The following DNAH17 variants were observed in gnomAD, a reference collection of about 807,000 sequenced individuals.
DNAH17 encodes dynein axonemal heavy chain 17.
In DNAH17, 376 loss-of-function variants were observed where a neutral mutation model predicts 485.6. That is an observed-to-expected ratio of 0.77 (90% CI 0.71 to 0.84). The LOEUF (loss-of-function observed/expected upper bound fraction) is 0.84. Among genes scored for constraint, DNAH17 ranks in the 40% least tolerant of loss-of-function variants. The pLI, the probability that DNAH17 is intolerant of heterozygous loss-of-function variation, is 0.00. For missense variants in DNAH17, 6,370 were observed against 5,839.3 expected, an observed-to-expected ratio of 1.09 and a Z score of -2.96; for synonymous variants, 3,031 against 2,405.9, an observed-to-expected ratio of 1.26 and a Z score of -7.60.
chr17:78,424,130 C>T lies in DNAH17; in HGVS notation c.13165G>A (p.Gly4389Arg), dbSNP rs777069876. Residue 4389 changes from glycine (G) to arginine (R), a missense_variant, in exon 81 of 81, where the codon GGA (glycine) becomes AGA (arginine). Transcript: ENST00000389840. ...TTCAGCCGCGCTTCAGCGATGACTC[C>T]AGTCTGGGTGTCCCAGCGAGCCCCT... ...MEGARWDTQT[G>R]VIAEARLKEL... 1.2e-4 allele frequency: 194 copies of T among 1,612,632 alleles called. 1 individual carries two copies. The highest frequency in any genetic ancestry group is 1.5e-4 in the Non-Finnish European group (180 of 1,179,524).
chr17:78,538,101 T>C (rs898239757), intron 18 of DNAH17, among the ~76,000 whole-genome samples: 4 of 143,778 alleles, frequency 2.8e-5, no homozygotes, highest in Admixed American at 7.3e-5. Flanking sequence ...GATTGTGCCA[T>C]TGCACTCCAG....
chr17:78,551,010 G>A (rs2091889834), intron 16 of DNAH17, among the ~76,000 whole-genome samples: 1 of 152,156 alleles, frequency 6.6e-6, no homozygotes, highest in Non-Finnish European at 1.5e-5. Flanking sequence ...TTTGAGGTCA[G>A]GAGTTCAAGA....
chr17:78,445,292 G>A (rs2087237966), intron 70 of DNAH17, among the ~76,000 whole-genome samples: 1 of 151,792 alleles, frequency 6.6e-6, no homozygotes, highest in East Asian at 1.9e-4. Flanking sequence ...GCCTCTTCTG[G>A]CCCCCAGAGG....
intron 55 of DNAH17, among the ~76,000 whole-genome samples, chr17:78,468,032 A>G (rs1375481431): frequency 4.4e-5 from 6 of 135,012 alleles, no homozygotes; most frequent in East Asian, 2.2e-4. Flanking sequence ...AAAAAAAAAA[A>G]AGAGAGAGAG....
At chr17:78,528,652 G>T (rs2091142674) in intron 22 of DNAH17, among the ~76,000 whole-genome samples, 1 of 152,126 alleles carries the variant, frequency 6.6e-6, no homozygotes, top group African/African-American at 2.4e-5. Context: ...AGATGAGGGA[G>T]CGGGGTCTCC....
chr17:78,497,495 A>T (rs749666147), intron 37 of DNAH17, among the ~76,000 whole-genome samples: 2 of 152,136 alleles, frequency 1.3e-5, no homozygotes, highest in African/African-American at 4.8e-5. Flanking sequence ...GCCCGTGAAC[A>T]TTCAGTGCCC....
chr17:78,457,525 T>C (rs957926317), intron 62 of DNAH17, among the ~76,000 whole-genome samples: 2 of 152,126 alleles, frequency 1.3e-5, no homozygotes, highest in African/African-American at 4.8e-5. Context: ...TTAAATAAAA[T>C]TATAACTGTT....
chr17:78,501,581 G>A lies in DNAH17; in HGVS notation c.5322+161C>T, dbSNP rs1477836919. On this transcript the variant is annotated intron_variant, in intron 34 of 80. Coordinates refer to ENST00000389840, the MANE Select transcript of DNAH17 (RefSeq NM_173628.4). ...TCTGACTGCTGTGTGTTGCTCACCA[G>A]GGGTGAGTCCGGGCAAGGAGGTTAG... The A allele has an allele frequency of 5.4e-6, 6 of 1,106,306 alleles. No homozygotes were observed. The East Asian group carries it at 7.5e-5, about 14-fold the overall frequency. 68.5% of individuals were successfully genotyped at this position (1,106,306 alleles called of 1,614,324 possible).
At chr17:78,528,859 C>A (rs1390238972) in intron 22 of DNAH17, among the ~76,000 whole-genome samples, 1 of 152,150 alleles carries the variant, frequency 6.6e-6, no homozygotes, top group African/African-American at 2.4e-5. Flanking sequence ...GTCCCCCTGA[C>A]CTTGTTCTCT....
intron 58 of DNAH17, among the ~76,000 whole-genome samples, chr17:78,460,552 T>C (rs2088067686): frequency 6.6e-6 from 1 of 152,250 alleles, no homozygotes; most frequent in Non-Finnish European, 1.5e-5. Flanking sequence ...ATTTGCTGAA[T>C]GTGCTCCTTT....
At chr17:78,470,231 C>T (rs2088685947) in intron 54 of DNAH17, among the ~76,000 whole-genome samples, 1 of 151,210 alleles carries the variant, frequency 6.6e-6, no homozygotes, top group Non-Finnish European at 1.5e-5. Context: ...CCATGCTCAG[C>T]TAATTTTTGT....
At position 78,454,518 on chromosome 17, in the gene DNAH17, T is replaced by C. The variant is rs750821611; in HGVS notation, c.10358A>G (p.Lys3453Arg). 6.2e-7 allele frequency: 1 copy of C among 1,613,516 alleles called. No homozygotes were observed. Among genetic ancestry groups the C allele is most frequent in the Admixed American group, 1.7e-5 (1 of 59,976 alleles). The change falls in exon 64 of 81, where the codon AAA becomes AGA. Residue 3453 changes from lysine (K) to arginine (R), a missense_variant. Coordinates refer to ENST00000389840, the MANE Select transcript of DNAH17 (RefSeq NM_173628.4). ...TTTCAGTTCACTCCTGTATTTGTTT[T>C]TGATCCACTTGATTCCTTGGAGCTG... The part of the protein sequence containing the change: ...DAQLQGIKWI[K>R]NKYRSELKAI...
intron 74 of DNAH17, among the ~76,000 whole-genome samples, chr17:78,434,548 T>C (rs2086797174): frequency 6.6e-6 from 1 of 152,166 alleles, no homozygotes; most frequent in African/African-American, 2.4e-5. Flanking sequence ...CGAAATAATG[T>C]TCCTTTGTAA....
At chr17:78,433,975 A>AG (rs2086778503) in intron 75 of DNAH17, 54 bp downstream of exon 75, 1 of 1,386,290 alleles carries the variant, frequency 7.2e-7, no homozygotes, top group African/African-American at 1.7e-5. Flanking sequence ...GAGGGAGGGA[A>AG]GGAGGGAAAG....
intron 57 of DNAH17, 37 bp from the exon 58 acceptor site, chr17:78,461,745 C>A: frequency 1.9e-6 from 3 of 1,585,258 alleles, no homozygotes; most frequent in South Asian, 1.2e-5. Flanking sequence ...CAAGTGTGGG[C>A]CGCAGCCGAC....
At chr17:78,454,438 G>C in intron 64 of DNAH17, 32 bp downstream of exon 64, 1 of 1,571,370 alleles carries the variant, frequency 6.4e-7, no homozygotes, top group Non-Finnish European at 8.7e-7. Flanking sequence ...AGCAGAGCCG[G>C]GCTTCGGCCC....
intron 21 of DNAH17, among the ~76,000 whole-genome samples, chr17:78,529,965 C>G (rs1007966137): frequency 6.6e-6 from 1 of 152,192 alleles, no homozygotes; most frequent in Non-Finnish European, 1.5e-5. Flanking sequence ...ACTAGCCTCC[C>G]GGATGGAATT....
intron 57 of DNAH17, among the ~76,000 whole-genome samples, chr17:78,462,418 G>A (rs1166304018): frequency 1.3e-5 from 2 of 152,160 alleles, no homozygotes; most frequent in Non-Finnish European, 2.9e-5. Context: ...ACTGCACGAT[G>A]GAGGAGGTCT....
chr17:78,525,108 G>C lies in DNAH17; in HGVS notation c.3765C>G (p.Ser1255=). Residue 1255 remains serine (S), a synonymous_variant, in exon 25 of 81, where the codon TCC becomes TCG. Coordinates refer to ENST00000389840, the MANE Select transcript of DNAH17 (RefSeq NM_173628.4). ...MEGIMEALSK[S]GGLFEVPVPD... ...GGACGGGGACCTCGAACAGGCCCCC[G>C]GACTTGGACAGCGCCTCCATGATGC... is the stretch of plus-strand genomic sequence containing the variant. 6.2e-7 allele frequency: 1 copy of C among 1,613,754 alleles called. No individual in the cohort carries two copies. The highest frequency in any genetic ancestry group is 8.5e-7 in the Non-Finnish European group (1 of 1,179,866).
Sources: gnomAD v4.1 joint callset for allele counts (sites outside exome capture counted in the v4.1 genomes callset) on GRCh38, gnomAD v4.1.1 for gene constraint, MANE v1.5 for transcripts, NCBI Gene and HGNC (gene_info 2026-07-23, HGNC 2026-07-21) for gene names.